The following CD96 variants were observed in gnomAD, a reference collection of about 807,000 sequenced individuals.
CD96 encodes CD96 molecule, also known as T-cell surface protein tactile.
Under a neutral mutation model 71.3 loss-of-function variants are expected in CD96, and 70 were observed. The ratio of observed to expected loss-of-function variants is 0.98; its 90% CI spans 0.81 to 1.20. CD96 has a LOEUF of 1.20. CD96 is among the 50% of genes most tolerant of loss of function. The probability of loss-of-function intolerance (pLI) is 0.00; values close to 1 mark genes in which losing one functional copy is unlikely to be tolerated. For missense variants in CD96, 742 were observed against 677.5 expected, an observed-to-expected ratio of 1.10 and a Z score of -1.06; for synonymous variants, 248 against 233.0, an observed-to-expected ratio of 1.06 and a Z score of -0.59.
Position 111,650,071 on chromosome 3 carries a change from G to C in CD96, c.*265G>C, listed in dbSNP as rs1381644249. On this transcript the variant is annotated 3_prime_UTR_variant, in exon 14 of 14. Transcript: ENST00000352690. Reference sequence around the variant, plus strand: ...TTGCTTATGTAAGAAGTACATATTAGTCTGCCATCTTTAAAAAAAAATACA... The same window carrying C: ...TTGCTTATGTAAGAAGTACATATTACTCTGCCATCTTTAAAAAAAAATACA... 2.2e-6 allele frequency: 1 copy of C among 451,464 alleles called. No homozygotes were observed. Among genetic ancestry groups the C allele is most frequent in the Non-Finnish European group, 4.1e-6 (1 of 243,828 alleles). The allele number at this position is 451,464 out of a possible 1,614,324, so 28.0% of individuals were successfully genotyped here. A position where few individuals can be genotyped will look rare whatever the true frequency, so the allele number is the denominator to read the frequency against.
At chr3:111,665,181 G>A (rs1940452714) in intron 14 of CD96, among the ~76,000 whole-genome samples, 1 of 151,962 alleles carries the variant, frequency 6.6e-6, no homozygotes, top group South Asian at 2.1e-4. Context: ...AAGTGTGTGT[G>A]TGTGTGTGTG....
chr3:111,659,210 G>A (rs191724969), intron 14 of CD96, among the ~76,000 whole-genome samples: 15 of 152,162 alleles, frequency 9.9e-5, no homozygotes, highest in Admixed American at 7.2e-4. Flanking sequence ...TTGTATTTAC[G>A]TGGGATCAGT....
downstream of CD96, among the ~76,000 whole-genome samples, chr3:111,656,811 T>C (rs527920140): frequency 7.2e-5 from 11 of 152,034 alleles, no homozygotes; most frequent in Non-Finnish European, 1.3e-4. Context: ...ATTAAAAAAA[T>C]GAAATATGTA....
chr3:111,631,033 C>T (rs1255938392), intron 10 of CD96, among the ~76,000 whole-genome samples: 1 of 152,194 alleles, frequency 6.6e-6, no homozygotes, highest in Non-Finnish European at 1.5e-5. Context: ...GACAAACCCA[C>T]AGCCAATATC....
intron 9 of CD96, 128 bp from the exon 10 acceptor site, chr3:111,624,205 A>G (rs1938637176): frequency 2.7e-6 from 2 of 734,080 alleles, no homozygotes; most frequent in Admixed American, 1.9e-5. Context: ...GTGTTCCTGC[A>G]TAGGGAAGCA....
At chr3:111,612,091 A>AC (rs1375338907) in intron 8 of CD96, among the ~76,000 whole-genome samples, 2 of 152,232 alleles carry the variant, frequency 1.3e-5, no homozygotes, top group Non-Finnish European at 1.5e-5. Flanking sequence ...TGTGATCTGA[A>AC]CAACAAATAG....
intron 13 of CD96, among the ~76,000 whole-genome samples, chr3:111,648,289 TA>T (rs1939926325): frequency 6.6e-6 from 1 of 152,202 alleles, no homozygotes; most frequent in Non-Finnish European, 1.5e-5. Flanking sequence ...GGTTGGGCCA[TA>T]ACTGGAAGGG....
chr3:111,633,519 T>TA (rs879283646), intron 10 of CD96, among the ~76,000 whole-genome samples: 35 of 151,826 alleles, frequency 2.3e-4, no homozygotes, highest in Non-Finnish European at 3.5e-4. Flanking sequence ...AAAATAAAAA[T>TA]AAAAAAAACA....
intron 5 of CD96, among the ~76,000 whole-genome samples, chr3:111,589,465 A>G (rs1222459522): frequency 6.6e-6 from 1 of 152,220 alleles, no homozygotes; most frequent in African/African-American, 2.4e-5. Flanking sequence ...TTCCTAGAGA[A>G]TTAGTGAGTA....
At chr3:111,574,420 C>G (rs1357942987) in intron 3 of CD96, among the ~76,000 whole-genome samples, 1 of 152,124 alleles carries the variant, frequency 6.6e-6, no homozygotes, top group African/African-American at 2.4e-5. Flanking sequence ...AACATCTGAG[C>G]CTGAAACATT....
chr3:111,653,423 G>A (rs138394564), downstream of CD96, among the ~76,000 whole-genome samples: 1 of 152,312 alleles, frequency 6.6e-6, no homozygotes, highest in Non-Finnish European at 1.5e-5. Flanking sequence ...CCTAATGCGT[G>A]CTTTATTTTT....
intron 14 of CD96, among the ~76,000 whole-genome samples, chr3:111,658,299 A>G (rs1940279536): frequency 6.6e-6 from 1 of 152,198 alleles, no homozygotes; most frequent in Admixed American, 6.5e-5. Context: ...GCAGGAATTC[A>G]TGAGTCCTTA....
At chr3:111,659,923 C>T (rs943549510) in intron 14 of CD96, among the ~76,000 whole-genome samples, 2 of 152,160 alleles carry the variant, frequency 1.3e-5, no homozygotes, top group African/African-American at 2.4e-5. Flanking sequence ...CAACATCATA[C>T]TGAATAGGCA....
At chr3:111,657,636 G>T (rs1940265070) in intron 14 of CD96, among the ~76,000 whole-genome samples, 1 of 152,098 alleles carries the variant, frequency 6.6e-6, no homozygotes, top group South Asian at 2.1e-4. Flanking sequence ...TAAATGTGTT[G>T]TCATTGGGTG....
intron 1 of CD96, 103 bp downstream of exon 1, chr3:111,542,412 C>CCACTGCTGAAATTGATCAA: frequency 1.2e-6 from 1 of 825,860 alleles, no homozygotes; most frequent in Non-Finnish European, 2.1e-6. Context: ...AAATTGATCA[C>CCACTGCTGAAATTGATCAA]CAAAGGACAA....
At chr3:111,548,753 T>C (rs192011033) in intron 2 of CD96, among the ~76,000 whole-genome samples, 2 of 152,302 alleles carry the variant, frequency 1.3e-5, no homozygotes, top group Non-Finnish European at 2.9e-5. Context: ...GTAGTAGTAA[T>C]AGTAGCAATA....
chr3:111,619,219 C>T (rs984471320), intron 8 of CD96, among the ~76,000 whole-genome samples: 2 of 151,926 alleles, frequency 1.3e-5, no homozygotes, highest in Non-Finnish European at 2.9e-5. Flanking sequence ...CTGGAGCTGT[C>T]TTCTAACTTA....
intron 12 of CD96, among the ~76,000 whole-genome samples, chr3:111,646,542 A>G (rs1270121879): frequency 7.2e-5 from 9 of 124,414 alleles, no homozygotes; most frequent in African/African-American, 2.9e-4. Context: ...CTGAAAAGTA[A>G]AAAAAAAAAA....
At chr3:111,654,456 G>T (rs1481971287), downstream of CD96, among the ~76,000 whole-genome samples, 1 of 152,208 alleles carries the variant, frequency 6.6e-6, no homozygotes, top group African/African-American at 2.4e-5. Context: ...GATGGGTCTT[G>T]ATATTTTGTG....
Sources: gnomAD v4.1 joint callset for allele counts (sites outside exome capture counted in the v4.1 genomes callset) on GRCh38, gnomAD v4.1.1 for gene constraint, MANE v1.5 for transcripts, NCBI Gene and HGNC (gene_info 2026-07-23, HGNC 2026-07-21) for gene names.